The following BAZ2B variants were observed in gnomAD, a reference collection of about 807,000 sequenced individuals.
The protein encoded by BAZ2B is bromodomain adjacent to zinc finger domain 2B.
In BAZ2B, 91 loss-of-function variants were observed where a neutral mutation model predicts 246.0. That is an observed-to-expected ratio of 0.37 (90% confidence interval 0.31 to 0.44). The LOEUF (loss-of-function observed/expected upper bound fraction) is 0.44. Ranked by LOEUF, BAZ2B falls within the 20% of genes least tolerant of loss-of-function variation. The probability of loss-of-function intolerance (pLI) is 1.00; values close to 1 mark genes in which losing one functional copy is unlikely to be tolerated. For missense variants in BAZ2B, 2,332 were observed against 2,533.7 expected (o/e 0.92, Z 1.71); for synonymous variants, 855 against 860.0 (o/e 0.99, Z 0.10).
chr2:159,540,826 TAAG>T (rs2086573680), intron 2 of BAZ2B, among the ~76,000 whole-genome samples: 1 of 152,174 alleles, frequency 6.6e-6, no homozygotes, highest in African/African-American at 2.4e-5. Context: ...GAAGAAATCA[TAAG>T]AATAGATCAA....
At chr2:159,668,796 C>T in the BAZ2B span, among the ~76,000 whole-genome samples, 1 of 152,110 alleles carries the variant, frequency 6.6e-6, no homozygotes, top group Non-Finnish European at 1.5e-5. Context: ...TGGGTTGACG[C>T]CTGTAATCCC....
chr2:159,698,287 T>G, the BAZ2B span, among the ~76,000 whole-genome samples: 9 of 152,052 alleles, frequency 5.9e-5, no homozygotes, highest in Non-Finnish European at 1.3e-4. Flanking sequence ...TTTGGGATGC[T>G]GAGGTGGGAG....
At chr2:159,621,873 A>AG in the BAZ2B span, among the ~76,000 whole-genome samples, 3 of 152,178 alleles carry the variant, frequency 2.0e-5, no homozygotes, top group African/African-American at 7.2e-5. Flanking sequence ...TGGGAGGCCG[A>AG]GGCAGGTGGA....
the BAZ2B span, among the ~76,000 whole-genome samples, chr2:159,699,837 C>T: frequency 1.3e-5 from 2 of 152,316 alleles, no homozygotes; most frequent in South Asian, 4.1e-4. Flanking sequence ...TGCTTATCTG[C>T]CATGTTCTGG....
chr2:159,432,681 G>T, intron 9 of BAZ2B, 76 bp downstream of exon 9: 1 of 1,516,282 alleles, frequency 6.6e-7, no homozygotes, highest in Non-Finnish European at 8.8e-7. Flanking sequence ...TTTTAAGTCT[G>T]AATTAAGAAA....
chr2:159,555,064 T>TGG (rs35188630), intron 2 of BAZ2B, among the ~76,000 whole-genome samples: 2 of 116,920 alleles, frequency 1.7e-5, no homozygotes, highest in African/African-American at 7.9e-5. Flanking sequence ...GTGGTGTATG[T>TGG]GGGGGGTGTG....
Position 159,386,573 on chromosome 2 carries a change from A to G in BAZ2B, c.3251T>C (p.Val1084Ala), listed in dbSNP as rs2062680091. 6.2e-7 allele frequency: 1 copy of G among 1,612,832 alleles called. No individual in the cohort carries two copies. The highest frequency in any genetic ancestry group is 1.1e-5 in the South Asian group (1 of 90,894). The change falls in exon 22 of 37, where the codon GTT becomes GCT. Residue 1084 changes from valine (V) to alanine (A), a missense_variant. Physicochemically the swap from Val to Ala is moderately conservative, Grantham distance 64 (BLOSUM62 0). Coordinates refer to ENST00000392783, the MANE Select transcript of BAZ2B (RefSeq NM_013450.4). The part of the protein sequence containing the change: ...LPELPRIPGL[V>A]LSGSTFSDCL... ...GTCTGAAAATGTACTTCCAGAGAGAACAAGTCCTGGAATACGAGGCAACTC... is the reference window on the plus strand; with the variant it reads ...GTCTGAAAATGTACTTCCAGAGAGAGCAAGTCCTGGAATACGAGGCAACTC...
At chr2:159,646,994 T>G in the BAZ2B span, among the ~76,000 whole-genome samples, 2 of 152,246 alleles carry the variant, frequency 1.3e-5, no homozygotes, top group Non-Finnish European at 2.9e-5. Flanking sequence ...CTCTGAGCCC[T>G]CACCACAATC....
intron 13 of BAZ2B, among the ~76,000 whole-genome samples, chr2:159,424,006 A>G (rs1368178085): frequency 6.6e-6 from 1 of 152,200 alleles, no homozygotes; most frequent in Non-Finnish European, 1.5e-5. Context: ...CTGAGCCTAC[A>G]ATAAAAGTTG....
At chr2:159,499,986 T>C (rs1462759711) in intron 2 of BAZ2B, among the ~76,000 whole-genome samples, 2 of 152,192 alleles carry the variant, frequency 1.3e-5, no homozygotes, top group Non-Finnish European at 2.9e-5. Context: ...ACTCTGATGA[T>C]AGTTTCTTTT....
intron 3 of BAZ2B, among the ~76,000 whole-genome samples, chr2:159,477,290 G>A (rs757481026): frequency 1.3e-5 from 2 of 151,798 alleles, no homozygotes; most frequent in African/African-American, 4.8e-5. Context: ...GGGTGACAGT[G>A]CAAGACTCTG....
At chr2:159,418,355 CT>C (rs1161443002) in intron 13 of BAZ2B, among the ~76,000 whole-genome samples, 1 of 152,220 alleles carries the variant, frequency 6.6e-6, no homozygotes, top group Admixed American at 6.5e-5. Flanking sequence ...AAATAAATGA[CT>C]CCAAAGGATA....
At position 159,560,471 on chromosome 2, in the gene BAZ2B, G is replaced by C. The variant is rs994227609; in HGVS notation, c.-45-4606C>G. On this transcript the variant is annotated intron_variant, in intron 1 of 36. Coordinates refer to ENST00000392783, the MANE Select transcript of BAZ2B (RefSeq NM_013450.4). ...AGACTGTATCAGTGTTGTTATCTTG[G>C]ATTATGGACCATGGACATGGAGAAG... Among the ~76,000 whole-genome samples, 17 of 152,236 alleles carry C rather than the reference G, an allele frequency of 1.1e-4. No individual in the cohort carries two copies. The East Asian group carries it at 1.2e-3, about 10-fold the overall frequency.
rs140658220 is a variant in BAZ2B at position 159,331,345 on chromosome 2, T to C, written c.5943+1195A>G. Among the ~76,000 whole-genome samples the C allele has an allele frequency of 4.6e-3, 698 of 152,252 alleles. 3 individuals are homozygous for C. The highest frequency in any genetic ancestry group is 0.016 in the African/African-American group (672 of 41,550). On this transcript the variant is annotated intron_variant, in intron 34 of 36. Coordinates refer to ENST00000392783, the MANE Select transcript of BAZ2B (RefSeq NM_013450.4). ...AGCTAGAGATAAATTATTGACATCA[T>C]TAAAGGCCTCTAACACCTTATTTAT...
intron 2 of BAZ2B, among the ~76,000 whole-genome samples, chr2:159,489,146 C>T (rs1219101574): frequency 6.6e-6 from 1 of 152,092 alleles, no homozygotes; most frequent in Non-Finnish European, 1.5e-5. Context: ...CAATATGTTA[C>T]ACCACTGAGT....
chr2:159,642,523 G>T, the BAZ2B span, among the ~76,000 whole-genome samples: 3 of 151,976 alleles, frequency 2.0e-5, no homozygotes. Context: ...ACAGGTGTAA[G>T]CCAGCGTGCC....
intron 20 of BAZ2B, among the ~76,000 whole-genome samples, chr2:159,393,663 G>A (rs1193982822): frequency 1.3e-5 from 2 of 152,168 alleles, no homozygotes; most frequent in African/African-American, 4.8e-5. Context: ...AGGAGAGGGA[G>A]AGCTATACCA....
intron 13 of BAZ2B, among the ~76,000 whole-genome samples, chr2:159,423,747 A>G (rs1286161491): frequency 6.6e-6 from 1 of 152,252 alleles, no homozygotes; most frequent in Non-Finnish European, 1.5e-5. Context: ...CCATCACCTA[A>G]GTGAGATAAT....
At position 159,412,411 on chromosome 2, in the gene BAZ2B, A is replaced by C. The variant is rs1466481014; in HGVS notation, c.2601T>G (p.Gly867=). 3.7e-6 allele frequency: 6 copies of C among 1,614,108 alleles called. No individual in the cohort carries two copies. The highest frequency in any genetic ancestry group is 5.1e-6 in the Non-Finnish European group (6 of 1,180,004). ...REESRMRRRK[G]RPPNVGNAEF... ...CAGCATTGCCAACATTTGGAGGTCGACCTTTCCGACGTCTCATCCTGGATT... is the reference window on the plus strand; with the variant it reads ...CAGCATTGCCAACATTTGGAGGTCGCCCTTTCCGACGTCTCATCCTGGATT... The change falls in exon 14 of 37, where the codon GGT becomes GGG. Residue 867 remains glycine (G), a synonymous_variant. Transcript: ENST00000392783.
Sources: allele counts gnomAD v4.1 joint callset (sites outside exome capture counted in the v4.1 genomes callset), GRCh38; gene constraint gnomAD v4.1.1; transcripts MANE v1.5; gene names NCBI Gene and HGNC (gene_info 2026-07-23, HGNC 2026-07-21).